FAM171B: variants seen among roughly 807,000 people sequenced by gnomAD.
FAM171B encodes the protein protein FAM171B.
In FAM171B, 19 loss-of-function variants were observed where a neutral mutation model predicts 75.6. The observed-to-expected ratio is 0.25, with a 90% CI of 0.18 to 0.37. The LOEUF (loss-of-function observed/expected upper bound fraction) is 0.37, where lower values mean the gene tolerates loss of function less well. FAM171B is among the 10% of genes least tolerant of loss of function. The pLI, the probability that FAM171B is intolerant of heterozygous loss-of-function variation, is 1.00. For synonymous variants in FAM171B, 367 were observed against 361.7 expected (o/e 1.01, Z -0.17); for missense variants, 848 against 982.4 (o/e 0.86, Z 1.83).
Position 186,763,096 on chromosome 2 carries a change from T to A in FAM171B, c.*273T>A, listed in dbSNP as rs1197693698. ...GATGTTAGTTATCTGAAAATGTTGC[T>A]CAGCCAGCCAGTTTGGCCTTGACTC... On this transcript the variant is annotated 3_prime_UTR_variant, in exon 8 of 8. Coordinates refer to ENST00000304698, the MANE Select transcript of FAM171B (RefSeq NM_177454.4). The A allele has an allele frequency of 5.8e-6, 2 of 344,350 alleles. No homozygotes were observed. The highest frequency in any genetic ancestry group is 9.1e-5 in the Admixed American group (2 of 21,972). The allele number at this position is 344,350 out of a possible 1,614,324, so 21.3% of individuals were successfully genotyped here.
At chr2:186,709,284 C>T (rs1689778429) in intron 1 of FAM171B, among the ~76,000 whole-genome samples, 1 of 152,182 alleles carries the variant, frequency 6.6e-6, no homozygotes, top group African/African-American at 2.4e-5. Flanking sequence ...GACATACATC[C>T]AAACTTCATC....
At chr2:186,735,874 C>G (rs1435386887) in intron 1 of FAM171B, among the ~76,000 whole-genome samples, 3 of 152,162 alleles carry the variant, frequency 2.0e-5, no homozygotes, top group Non-Finnish European at 4.4e-5. Context: ...GCTTAAGACT[C>G]AAAGCTTATT....
In FAM171B at chr2:186,694,213, C is replaced by G. The variant is rs1689538651; in HGVS notation, c.40C>G (p.Leu14Val). 6.2e-7 allele frequency: 1 copy of G among 1,608,658 alleles called. No homozygotes were observed. The highest frequency in any genetic ancestry group is 1.3e-5 in the African/African-American group (1 of 74,934). ...LCRRVPCTLL[L>V]GLAVVLLKAR... ...CCGGCGTGTCCCCTGCACCCTGCTT[C>G]TCGGCCTGGCCGTGGTGCTGCTGAA... The change falls in exon 1 of 8, where the codon CTC becomes GTC. Residue 14 changes from leucine (L) to valine (V), a missense_variant. Leu to Val is a conservative substitution (Grantham distance 32). Transcript: ENST00000304698.
intron 1 of FAM171B, among the ~76,000 whole-genome samples, chr2:186,725,763 G>A (rs1690023857): frequency 6.6e-6 from 1 of 152,184 alleles, no homozygotes; most frequent in Non-Finnish European, 1.5e-5. Context: ...GCCATCACAT[G>A]AAGTATCCTT....
intron 1 of FAM171B, among the ~76,000 whole-genome samples, chr2:186,739,504 AC>A (rs1338291653): frequency 7.2e-5 from 11 of 152,082 alleles, no homozygotes; most frequent in African/African-American, 2.7e-4. Context: ...TACTTTTTAA[AC>A]TTTTTTTGTT....
intron 1 of FAM171B, among the ~76,000 whole-genome samples, chr2:186,720,102 A>G (rs368405740): frequency 6.6e-6 from 1 of 152,326 alleles, no homozygotes. Flanking sequence ...CAATGGCGCT[A>G]TCTCAGCTCA....
At chr2:186,732,483 G>A (rs781410745) in intron 1 of FAM171B, among the ~76,000 whole-genome samples, 32 of 152,270 alleles carry the variant, frequency 2.1e-4, no homozygotes, top group Non-Finnish European at 1.2e-4. Context: ...TTCAACTGAC[G>A]GGTGTAAGGC....
intron 1 of FAM171B, among the ~76,000 whole-genome samples, chr2:186,728,056 C>T (rs1366201495): frequency 6.6e-6 from 1 of 152,076 alleles, no homozygotes; most frequent in East Asian, 1.9e-4. Flanking sequence ...CCTACCACAA[C>T]ATCTCCACAG....
At chr2:186,757,193 A>G (rs998792200) in intron 6 of FAM171B, among the ~76,000 whole-genome samples, 1 of 152,126 alleles carries the variant, frequency 6.6e-6, no homozygotes, top group African/African-American at 2.4e-5. Flanking sequence ...CTTGTTGGTC[A>G]CCAGCCCCCA....
chr2:186,751,081 G>A, intron 4 of FAM171B, 53 bp from the exon 5 acceptor site: 7 of 1,373,424 alleles, frequency 5.1e-6, no homozygotes, highest in Non-Finnish European at 6.9e-6. Flanking sequence ...TAATAATTAG[G>A]TAACTACCAC....
chr2:186,737,509 G>A (rs538539417), intron 1 of FAM171B, among the ~76,000 whole-genome samples: 1 of 152,194 alleles, frequency 6.6e-6, no homozygotes, highest in East Asian at 1.9e-4. Context: ...AGTACACCCA[G>A]CTAATTTCAA....
intron 2 of FAM171B, among the ~76,000 whole-genome samples, chr2:186,741,562 G>A (rs1220686259): frequency 6.6e-6 from 1 of 152,058 alleles, no homozygotes. Context: ...AATACAAATG[G>A]TTAGTACATA....
rs190329578 is a variant in FAM171B at position 186,750,310 on chromosome 2, A to G, written c.725-824A>G. ...CTTTCTGCTCCCTCTCTCCGCCCAG[A>G]GTAACAGACATCTATAGATAGTTCC... On this transcript the variant is annotated intron_variant, in intron 4 of 7. Coordinates refer to ENST00000304698, the MANE Select transcript of FAM171B (RefSeq NM_177454.4). Among the ~76,000 whole-genome samples the G allele has an allele frequency of 4.4e-4, 67 of 152,326 alleles. 1 individual carries two copies. In the East Asian group the frequency reaches 8.7e-3, roughly 20 times the overall value.
Position 186,764,419 on chromosome 2 carries a change from C to T in FAM171B, c.*1596C>T, listed in dbSNP as rs995020989. 2.7e-5 allele frequency: 4 copies of T among 150,808 alleles called. No individual in the cohort carries two copies. Among genetic ancestry groups the T allele is most frequent in the African/African-American group, 9.7e-5 (4 of 41,138 alleles). The allele number at this position is 150,808 out of a possible 1,614,324, so 9.3% of individuals were successfully genotyped here. On this transcript the variant is annotated 3_prime_UTR_variant, in exon 8 of 8. Coordinates refer to ENST00000304698, the MANE Select transcript of FAM171B (RefSeq NM_177454.4). ...AGGCAAATATTTGCTATATATTACC[C>T]CAATCCATAGAAGAAATAATGTTTT...
chr2:186,708,068 G>A (rs562722166), intron 1 of FAM171B, among the ~76,000 whole-genome samples: 19 of 152,112 alleles, frequency 1.2e-4, no homozygotes, highest in Admixed American at 1.2e-3. Flanking sequence ...TTTATTGAAT[G>A]AATAAATGAA....
At position 186,711,319 on chromosome 2, in the gene FAM171B, C is replaced by T. The variant is rs1689806422; in HGVS notation, c.238+16908C>T. The stretch of plus-strand genomic sequence containing the variant: ...CCTACCAACCTGGGGTCATTTTCCA[C>T]TGGTCAACTCTGCTCTTTGGCTGTA... On this transcript the variant is annotated intron_variant, in intron 1 of 7. Transcript: ENST00000304698. 2.6e-5 allele frequency among the ~76,000 whole-genome samples: 4 copies of T among 152,208 alleles called. No individual in the cohort carries two copies. The South Asian group carries it at 8.3e-4, about 32-fold the overall frequency.
chr2:186,720,136 C>T (rs906705161), intron 1 of FAM171B, among the ~76,000 whole-genome samples: 3 of 152,188 alleles, frequency 2.0e-5, no homozygotes, highest in Non-Finnish European at 2.9e-5. Flanking sequence ...CTCCTGGGTT[C>T]GAGTGATTCT....
At chr2:186,700,632 TC>T (rs1689646255) in intron 1 of FAM171B, among the ~76,000 whole-genome samples, 1 of 152,210 alleles carries the variant, frequency 6.6e-6, no homozygotes, top group South Asian at 2.1e-4. Flanking sequence ...GTTTATTGAT[TC>T]TTCTGTTGAG....
chr2:186,729,785 T>G (rs1690086997), intron 1 of FAM171B, among the ~76,000 whole-genome samples: 1 of 152,202 alleles, frequency 6.6e-6, no homozygotes, highest in South Asian at 2.1e-4. Flanking sequence ...GAGAATTTCC[T>G]TCTGAGCATT....
Sources: gnomAD v4.1 joint callset for allele counts (sites outside exome capture counted in the v4.1 genomes callset) on GRCh38, gnomAD v4.1.1 for gene constraint, MANE v1.5 for transcripts, NCBI Gene and HGNC (gene_info 2026-07-23, HGNC 2026-07-21) for gene names.